NPIPB2: variants seen among roughly 807,000 people sequenced by gnomAD.
The protein encoded by NPIPB2 is nuclear pore complex interacting protein family member B2, also known as nuclear pore complex-interacting protein family member B2.
Under a neutral mutation model 30.8 loss-of-function variants are expected in NPIPB2, and 27 were observed. The ratio of observed to expected loss-of-function variants is 0.88; its 90% CI spans 0.65 to 1.21. The LOEUF (loss-of-function observed/expected upper bound fraction) is 1.21. Among genes scored for constraint, NPIPB2 ranks in the 50% most tolerant of loss-of-function variants. The pLI, the probability that NPIPB2 is intolerant of heterozygous loss-of-function variation, is 0.00. For missense variants in NPIPB2, 440 were observed against 446.2 expected (o/e 0.99, Z 0.13); for synonymous variants, 147 against 162.0 (o/e 0.91, Z 0.70).
In NPIPB2 at chr16:11,967,666, A is replaced by C. The variant is rs540411283; in HGVS notation, c.-584+8902T>G. 13 of 1,614,178 alleles carry C rather than the reference A, an allele frequency of 8.1e-6. No individual in the cohort carries two copies. The African/African-American group carries it at 1.6e-4, about 20-fold the overall frequency. ...AGAGGCCTCGAGTACACGGTGGAAG[A>C]ATGCACCTGTGAAGACTGCATCAAG... On this transcript the variant is annotated intron_variant, in intron 1 of 5. Coordinates refer to the NPIPB2 transcript ENST00000538896.
At chr16:11,934,144 C>A (rs957635699) in intron 2 of NPIPB2, among the ~76,000 whole-genome samples, 5 of 150,810 alleles carry the variant, frequency 3.3e-5, no homozygotes, top group African/African-American at 1.2e-4. Flanking sequence ...GGCAGAGAAC[C>A]GTTTGAAGCT....
intron 5 of NPIPB2, among the ~76,000 whole-genome samples, chr16:11,929,962 TTC>T: frequency 7.2e-6 from 1 of 138,194 alleles, no homozygotes; most frequent in East Asian, 2.1e-4. Context: ...GCCTGCTGAC[TTC>T]TGAGATGATA....
intron 1 of NPIPB2, among the ~76,000 whole-genome samples, chr16:11,938,221 G>A (rs966004861): frequency 6.6e-6 from 1 of 152,206 alleles, no homozygotes; most frequent in Non-Finnish European, 1.5e-5. Flanking sequence ...GTTTCACCAT[G>A]TTGGCCAGTC....
chr16:11,964,733 A>T (rs916004339), intron 1 of NPIPB2, among the ~76,000 whole-genome samples: 7 of 152,080 alleles, frequency 4.6e-5, no homozygotes, highest in African/African-American at 1.7e-4. Context: ...ACTACTTTTT[A>T]AAATGTTTTT....
chr16:11,945,639 G>T (rs1445124557), upstream of NPIPB2, among the ~76,000 whole-genome samples: 1 of 151,196 alleles, frequency 6.6e-6, no homozygotes, highest in Non-Finnish European at 1.5e-5. Context: ...AATCGTGCCA[G>T]TGCAATCCAG....
At chr16:11,927,561 G>A in exon 8 of NPIPB2, 2 of 1,607,048 alleles carry the variant, frequency 1.2e-6, no homozygotes, top group Non-Finnish European at 1.7e-6. Context: ...TTGGGTTTGG[G>A]TGGTTTTTCT....
chr16:11,952,907 C>G (rs16958746), intron 1 of NPIPB2, among the ~76,000 whole-genome samples: 68 of 152,126 alleles, frequency 4.5e-4, no homozygotes, highest in African/African-American at 1.6e-3. Context: ...AAATCTACTT[C>G]AATGTTTACA....
At chr16:11,960,198 G>A (rs1406843987) in intron 1 of NPIPB2, among the ~76,000 whole-genome samples, 1 of 152,084 alleles carries the variant, frequency 6.6e-6, no homozygotes, top group Non-Finnish European at 1.5e-5. Flanking sequence ...GTTGCTCTAG[G>A]CTCTTATGAA....
chr16:11,974,536 T>A (rs539942188), intron 1 of NPIPB2, among the ~76,000 whole-genome samples: 8 of 151,364 alleles, frequency 5.3e-5, no homozygotes, highest in Middle Eastern at 3.4e-3. Context: ...AAAACAAAAA[T>A]AACAAAGACG....
intron 1 of NPIPB2, among the ~76,000 whole-genome samples, chr16:11,951,247 G>A (rs1225088298): frequency 6.6e-6 from 1 of 151,610 alleles, no homozygotes; most frequent in African/African-American, 2.4e-5. Context: ...ACAAGGTCAG[G>A]AGATCGAGAC....
intron 1 of NPIPB2, among the ~76,000 whole-genome samples, chr16:11,951,247 G>C (rs1225088298): frequency 2.0e-5 from 3 of 151,612 alleles, no homozygotes; most frequent in Non-Finnish European, 4.4e-5. Flanking sequence ...ACAAGGTCAG[G>C]AGATCGAGAC....
At chr16:11,938,244 C>G (rs1216125428) in intron 1 of NPIPB2, among the ~76,000 whole-genome samples, 1 of 152,212 alleles carries the variant, frequency 6.6e-6, no homozygotes, top group African/African-American at 2.4e-5. Context: ...GCCTTGAACT[C>G]CTGACAGGTG....
chr16:11,951,178 C>G (rs933222170), intron 1 of NPIPB2, among the ~76,000 whole-genome samples: 2 of 151,726 alleles, frequency 1.3e-5, no homozygotes, highest in Non-Finnish European at 2.9e-5. Flanking sequence ...ATTACTCGGC[C>G]GGGCGCAGTG....
At chr16:11,955,675 C>T (rs397870) in intron 1 of NPIPB2, among the ~76,000 whole-genome samples, 6,272 of 149,844 alleles carry the variant, frequency 0.042, 162 homozygotes, top group Middle Eastern at 0.088. Flanking sequence ...GAGCTGAGAT[C>T]GTACCACTGG....
At chr16:11,931,840 G>A (rs1474621781) in intron 4 of NPIPB2, among the ~76,000 whole-genome samples, 1 of 152,148 alleles carries the variant, frequency 6.6e-6, no homozygotes, top group Non-Finnish European at 1.5e-5. Context: ...CAGACAAGAG[G>A]TGAAGATGGA....
chr16:11,963,223 T>C (rs1876809309), intron 1 of NPIPB2, among the ~76,000 whole-genome samples: 1 of 151,708 alleles, frequency 6.6e-6, no homozygotes, highest in Non-Finnish European at 1.5e-5. Flanking sequence ...CTACCAAAAA[T>C]ACAAAAACTA....
chr16:11,942,072 T>C, upstream of NPIPB2: 3 of 1,479,224 alleles, frequency 2.0e-6, no homozygotes, highest in Non-Finnish European at 1.8e-6. Flanking sequence ...GTCCCGATAG[T>C]AAACCATCTC....
intron 1 of NPIPB2, among the ~76,000 whole-genome samples, chr16:11,963,678 T>C (rs909321107): frequency 6.6e-6 from 1 of 152,168 alleles, no homozygotes; most frequent in Non-Finnish European, 1.5e-5. Context: ...AAATTTTAAT[T>C]GAGTCCTGCA....
At chr16:11,957,078 ACTGCTTGG>A (rs1235894740) in intron 1 of NPIPB2, among the ~76,000 whole-genome samples, 4 of 151,648 alleles carry the variant, frequency 2.6e-5, no homozygotes, top group Non-Finnish European at 5.9e-5. Flanking sequence ...TGTAGTCTCC[ACTGCTTGG>A]GGTTCAAGCG....
Sources: allele counts gnomAD v4.1 joint callset (sites outside exome capture counted in the v4.1 genomes callset), GRCh38; gene constraint gnomAD v4.1.1; transcripts MANE v1.5; gene names NCBI Gene and HGNC (gene_info 2026-07-23, HGNC 2026-07-21).